NKAIN2: variants seen among roughly 807,000 people sequenced by gnomAD.
NKAIN2 encodes sodium/potassium transporting ATPase interacting 2.
In NKAIN2, 14 loss-of-function variants were observed where a neutral mutation model predicts 32.6. That is an observed-to-expected ratio of 0.43 (90% CI 0.28 to 0.67). The LOEUF (loss-of-function observed/expected upper bound fraction) is 0.67, where lower values mean the gene tolerates loss of function less well. Ranked by LOEUF, NKAIN2 falls within the 30% of genes least tolerant of loss-of-function variation. The pLI is 0.17. For synonymous variants in NKAIN2, 80 were observed against 87.2 expected, an observed-to-expected ratio of 0.92 and a Z score of 0.46; for missense variants, 198 against 258.3, an observed-to-expected ratio of 0.77 and a Z score of 1.60.
chr6:124,715,607 A>G (rs367994845), intron 4 of NKAIN2, among the ~76,000 whole-genome samples: 1 of 152,326 alleles, frequency 6.6e-6, no homozygotes, highest in Admixed American at 6.5e-5. Flanking sequence ...GGTGGGAGTC[A>G]CTGAGGTGGA....
At chr6:124,179,978 G>A (rs1789357090) in intron 1 of NKAIN2, among the ~76,000 whole-genome samples, 1 of 152,132 alleles carries the variant, frequency 6.6e-6, no homozygotes, top group Non-Finnish European at 1.5e-5. Flanking sequence ...ATTGCATAGT[G>A]CTGAGAGCCA....
intron 1 of NKAIN2, among the ~76,000 whole-genome samples, chr6:124,174,341 C>A (rs1487881434): frequency 6.6e-6 from 1 of 152,096 alleles, no homozygotes; most frequent in East Asian, 1.9e-4. Flanking sequence ...TCATTCTAAA[C>A]CAAACTTCCT....
chr6:124,164,430 A>G (rs1788431307), intron 1 of NKAIN2, among the ~76,000 whole-genome samples: 1 of 152,082 alleles, frequency 6.6e-6, no homozygotes. Context: ...ATTAGAACAC[A>G]ATAGTTTCTT....
intron 3 of NKAIN2, among the ~76,000 whole-genome samples, chr6:124,520,698 T>C (rs1168905251): frequency 6.6e-6 from 1 of 152,156 alleles, no homozygotes; most frequent in African/African-American, 2.4e-5. Context: ...CTAAATCACT[T>C]TACCCTCTGA....
rs982946615 is a variant in NKAIN2, at chr6:124,549,741, G to C, written c.274-108445G>C. Among the ~76,000 whole-genome samples, 23 of 152,238 alleles carry C rather than the reference G, an allele frequency of 1.5e-4. No homozygotes were observed. The Middle Eastern group carries it at 0.01, about 68-fold the overall frequency. On this transcript the variant is annotated intron_variant, in intron 3 of 6. Coordinates refer to ENST00000368417, the MANE Select transcript of NKAIN2 (RefSeq NM_001040214.3). ...TCAGTTATTTTGCAGAATGCTCCTT[G>C]GATTGGGTTAGTCTGATGTTTTTTC...
chr6:124,500,846 AAGC>A (rs1778261046), intron 3 of NKAIN2, among the ~76,000 whole-genome samples: 1 of 152,066 alleles, frequency 6.6e-6, no homozygotes, highest in Non-Finnish European at 1.5e-5. Context: ...ACAAAAATGG[AAGC>A]AGAAAAATAA....
chr6:123,900,709 G>T (rs574834634), intron 1 of NKAIN2, among the ~76,000 whole-genome samples: 1 of 151,734 alleles, frequency 6.6e-6, no homozygotes, highest in African/African-American at 2.4e-5. Context: ...TTTCTCTAGA[G>T]ATTGACTTTA....
At chr6:124,602,218 A>T (rs929234898) in intron 3 of NKAIN2, among the ~76,000 whole-genome samples, 6 of 152,108 alleles carry the variant, frequency 3.9e-5, no homozygotes, top group Admixed American at 6.6e-5. Flanking sequence ...TTTTAAACAG[A>T]GCTTCTATCA....
At chr6:124,127,858 G>T (rs1195303106) in intron 1 of NKAIN2, among the ~76,000 whole-genome samples, 3 of 151,880 alleles carry the variant, frequency 2.0e-5, no homozygotes, top group Admixed American at 2.0e-4. Flanking sequence ...ATGGAGTATT[G>T]CTCTTGTTGC....
At position 124,630,163 on chromosome 6, in the gene NKAIN2, C is replaced by T. The variant is rs147393703; in HGVS notation, c.274-28023C>T. 7.9e-5 allele frequency among the ~76,000 whole-genome samples: 12 copies of T among 152,100 alleles called. No homozygotes were observed. In the East Asian group the frequency reaches 2.3e-3, roughly 29 times the overall value. ...ATTGGTATTTAGAAGTATATACGGG[C>T]AAATAAATCCAGGCTCCATACACTT... On this transcript the variant is annotated intron_variant, in intron 3 of 6. Coordinates refer to ENST00000368417, the MANE Select transcript of NKAIN2 (RefSeq NM_001040214.3).
intron 1 of NKAIN2, among the ~76,000 whole-genome samples, chr6:124,114,909 C>T (rs1174407469): frequency 6.6e-6 from 1 of 151,852 alleles, no homozygotes; most frequent in Non-Finnish European, 1.5e-5. Context: ...ATGATTGAGA[C>T]AGTGGCTCTA....
At chr6:123,879,582 C>A (rs1773352639) in intron 1 of NKAIN2, among the ~76,000 whole-genome samples, 1 of 152,132 alleles carries the variant, frequency 6.6e-6, no homozygotes, top group Admixed American at 6.5e-5. Context: ...TCCACTGTCA[C>A]CTAATGACAT....
chr6:124,416,195 G>T (rs1397229499), intron 3 of NKAIN2, among the ~76,000 whole-genome samples: 1 of 152,094 alleles, frequency 6.6e-6, no homozygotes, highest in African/African-American at 2.4e-5. Flanking sequence ...GGCCAGCATG[G>T]CATTGAGTAG....
chr6:123,825,519 C>T (rs1343486752), intron 1 of NKAIN2, among the ~76,000 whole-genome samples: 1 of 152,068 alleles, frequency 6.6e-6, no homozygotes, highest in Admixed American at 6.6e-5. Context: ...CCTCACCCAG[C>T]CCCACATTTG....
At chr6:124,136,776 T>C (rs1039122151) in intron 1 of NKAIN2, among the ~76,000 whole-genome samples, 1 of 152,114 alleles carries the variant, frequency 6.6e-6, no homozygotes, top group Non-Finnish European at 1.5e-5. Flanking sequence ...TCTCAATAGA[T>C]GTAGAGAAAG....
intron 2 of NKAIN2, among the ~76,000 whole-genome samples, chr6:124,313,336 C>T (rs768188752): frequency 6.6e-6 from 1 of 152,052 alleles, no homozygotes; most frequent in Non-Finnish European, 1.5e-5. Context: ...CCAATCATTG[C>T]CTTCGTGCTG....
intron 3 of NKAIN2, among the ~76,000 whole-genome samples, chr6:124,578,856 G>T (rs535070411): frequency 1.3e-5 from 2 of 151,990 alleles, no homozygotes; most frequent in Admixed American, 1.3e-4. Flanking sequence ...GCAGCTCAGC[G>T]CAGAAAGAGA....
At chr6:124,357,719 A>G (rs1799053065) in intron 3 of NKAIN2, among the ~76,000 whole-genome samples, 1 of 152,180 alleles carries the variant, frequency 6.6e-6, no homozygotes, top group Non-Finnish European at 1.5e-5. Flanking sequence ...AAGAGGTAAT[A>G]AAACGTGATA....
At chr6:124,571,242 G>A (rs1781116445) in intron 3 of NKAIN2, among the ~76,000 whole-genome samples, 2 of 152,166 alleles carry the variant, frequency 1.3e-5, no homozygotes, top group Non-Finnish European at 2.9e-5. Flanking sequence ...ACTTTGGACT[G>A]TGGACTTTTG....
Sources: gnomAD v4.1 joint callset for allele counts (sites outside exome capture counted in the v4.1 genomes callset) on GRCh38, gnomAD v4.1.1 for gene constraint, MANE v1.5 for transcripts, NCBI Gene and HGNC (gene_info 2026-07-23, HGNC 2026-07-21) for gene names.